MYO10: variants seen among roughly 807,000 people sequenced by gnomAD.
MYO10 encodes myosin X.
Under a neutral mutation model 257.3 loss-of-function variants are expected in MYO10, and 133 were observed. That is an observed-to-expected ratio of 0.52 (90% CI 0.45 to 0.60). MYO10 has a LOEUF of 0.60. MYO10 is among the 20% of genes least tolerant of loss of function. The probability of loss-of-function intolerance (pLI) is 0.00; values close to 1 mark genes in which losing one functional copy is unlikely to be tolerated. For missense variants in MYO10, 2,399 were observed against 2,635.7 expected (o/e 0.91, Z 1.97); for synonymous variants, 1,104 against 1,028.6 (o/e 1.07, Z -1.40).
At chr5:16,882,110 T>C (rs1744769559) in intron 1 of MYO10, among the ~76,000 whole-genome samples, 1 of 152,198 alleles carries the variant, frequency 6.6e-6, no homozygotes. Context: ...ACCAGAAATG[T>C]TTCTGCAATA....
chr5:16,877,706 C>T lies in MYO10; in HGVS notation c.23G>A (p.Gly8Glu). The change falls in exon 2 of 41, where the codon GGA becomes GAA. Residue 8 changes from glycine (G) to glutamate (E), a missense_variant and splice_region_variant. Around this residue, in one of 3 missense-constraint regions of MYO10, gnomAD observed 242 missense variants for 249.5 expected, o/e 0.97. Transcript: ENST00000513610. MDNFFTE[G>E]TRVWLRENGQ... ...ATTTTCTCTCAGCCAGACCCGTGTT[C>T]CCTGTAAACAAAACAAACAAGACTG... is the stretch of plus-strand genomic sequence containing the variant. The T allele has an allele frequency of 6.2e-7, 1 of 1,611,720 alleles. No individual in the cohort carries two copies. Among genetic ancestry groups the T allele is most frequent in the Non-Finnish European group, 8.5e-7 (1 of 1,178,684 alleles).
intron 1 of MYO10, among the ~76,000 whole-genome samples, chr5:16,929,868 G>A (rs1746248387): frequency 6.6e-6 from 1 of 152,054 alleles, no homozygotes; most frequent in Non-Finnish European, 1.5e-5. Context: ...AGGGCTGACT[G>A]TACTCAAGAA....
chr5:16,715,578 G>A, intron 19 of MYO10, among the ~76,000 whole-genome samples: 1 of 10,826 alleles, frequency 9.2e-5, no homozygotes, highest in African/African-American at 1.6e-4. Context: ...GGGATTACAG[G>A]CATGAGCCAC....
intron 19 of MYO10, among the ~76,000 whole-genome samples, chr5:16,719,835 A>G (rs1047173665): frequency 1.3e-5 from 2 of 152,070 alleles, no homozygotes; most frequent in Non-Finnish European, 2.9e-5. Context: ...GTGGTGGTAC[A>G]TGCCTATAAT....
At chr5:16,706,354 G>A (rs141936293) in intron 21 of MYO10, among the ~76,000 whole-genome samples, 462 of 152,170 alleles carry the variant, frequency 3.0e-3, no homozygotes, top group African/African-American at 0.011. Flanking sequence ...CAAGTGTAAA[G>A]TTTGTTGGAT....
At chr5:16,779,385 T>C (rs1741332028) in intron 9 of MYO10, among the ~76,000 whole-genome samples, 160 bp downstream of exon 9, 4 of 151,878 alleles carry the variant, frequency 2.6e-5, no homozygotes, top group Admixed American at 2.0e-4. Flanking sequence ...AACAAGTTCA[T>C]GACTTGGAAC....
chr5:16,805,830 G>A (rs1742259909), intron 3 of MYO10, among the ~76,000 whole-genome samples: 2 of 152,042 alleles, frequency 1.3e-5, no homozygotes, highest in Admixed American at 1.3e-4. Context: ...TAATAATTTG[G>A]AACAGCTGCA....
At chr5:16,831,025 G>A (rs1159040567) in intron 2 of MYO10, among the ~76,000 whole-genome samples, 1 of 152,064 alleles carries the variant, frequency 6.6e-6, no homozygotes, top group Non-Finnish European at 1.5e-5. Context: ...GGGATGTTAC[G>A]CTCTGGTTTT....
At position 16,681,983 on chromosome 5, in the gene MYO10, G is replaced by C. The variant is rs1436088254; in HGVS notation, c.4077C>G (p.Asn1359Lys). Residue 1359 changes from asparagine (N) to lysine (K), a missense_variant, in exon 31 of 41, where the codon AAC (asparagine) becomes AAG (lysine). Physicochemically the swap from Asn to Lys is moderately conservative, Grantham distance 94. This residue lies in a region of MYO10 where 1,820 missense variants were observed against 1,939.4 expected (regional missense o/e 0.94). Transcript: ENST00000513610. ...TGTCGGCGTTGCAGTGCAGCACCCGGTTGGCCGTGATGATCACAAACGAGT... is the reference window on the plus strand; with the variant it reads ...TGTCGGCGTTGCAGTGCAGCACCCGCTTGGCCGTGATGATCACAAACGAGT... ...RPNSFVIITA[N>K]RVLHCNADTP... is the part of the protein sequence containing the mutation. 6.2e-7 allele frequency: 1 copy of C among 1,613,758 alleles called. No individual in the cohort carries two copies. The highest frequency in any genetic ancestry group is 8.5e-7 in the Non-Finnish European group (1 of 1,179,880).
At chr5:16,739,523 A>G (rs1159698091) in intron 19 of MYO10, among the ~76,000 whole-genome samples, 1 of 152,202 alleles carries the variant, frequency 6.6e-6, no homozygotes, top group Non-Finnish European at 1.5e-5. Context: ...TCTGATTGGC[A>G]AATACACTTT....
At chr5:16,809,315 G>A (rs1029333376) in intron 3 of MYO10, among the ~76,000 whole-genome samples, 8 of 152,228 alleles carry the variant, frequency 5.3e-5, no homozygotes, top group African/African-American at 1.4e-4. Flanking sequence ...TTCAGGCCAC[G>A]CTGCCTCCGT....
At chr5:16,857,942 TA>T (rs1744005560) in intron 2 of MYO10, among the ~76,000 whole-genome samples, 3 of 152,194 alleles carry the variant, frequency 2.0e-5, no homozygotes, top group Admixed American at 2.0e-4. Context: ...CCTGAAGCAC[TA>T]AATATCATAT....
intron 19 of MYO10, among the ~76,000 whole-genome samples, chr5:16,718,311 C>CTAAGGGCTAAG (rs1192415052): frequency 3.0e-4 from 46 of 152,258 alleles, no homozygotes; most frequent in African/African-American, 9.6e-4. Flanking sequence ...CCAGTCCCAT[C>CTAAGGGCTAAG]GACCACCTAA....
intron 21 of MYO10, 25 bp downstream of exon 21, chr5:16,710,883 G>T: frequency 6.3e-7 from 1 of 1,588,244 alleles, no homozygotes; most frequent in Non-Finnish European, 8.6e-7. Context: ...GATTCGGTGG[G>T]AGTTGCTCTT....
intron 34 of MYO10, among the ~76,000 whole-genome samples, chr5:16,675,355 C>T (rs966798059): frequency 2.0e-5 from 3 of 152,164 alleles, no homozygotes; most frequent in Non-Finnish European, 4.4e-5. Flanking sequence ...TCTAATTGAA[C>T]TTCTTACCAC....
At chr5:16,796,438 A>C (rs1421411043) in intron 3 of MYO10, among the ~76,000 whole-genome samples, 7 of 85,172 alleles carry the variant, frequency 8.2e-5, no homozygotes, top group Admixed American at 4.6e-4. Flanking sequence ...AAAGAAAAGA[A>C]AGACAGAAAG....
intron 37 of MYO10, among the ~76,000 whole-genome samples, 164 bp downstream of exon 37, chr5:16,672,525 A>T (rs2126468410): frequency 6.6e-6 from 1 of 152,292 alleles, no homozygotes; most frequent in Admixed American, 6.5e-5. Context: ...AGGAATCGAG[A>T]AAAATAGCGG....
At chr5:16,805,553 T>G (rs369998266) in intron 3 of MYO10, among the ~76,000 whole-genome samples, 6 of 151,788 alleles carry the variant, frequency 4.0e-5, no homozygotes, top group African/African-American at 1.2e-4. Context: ...TCTCACTCTA[T>G]GAAAAGATAT....
intron 4 of MYO10, among the ~76,000 whole-genome samples, chr5:16,785,491 G>A (rs775529595): frequency 5.3e-5 from 8 of 152,244 alleles, no homozygotes; most frequent in Non-Finnish European, 7.3e-5. Flanking sequence ...TGGTGAGGCC[G>A]AAACAATGTT....
Sources: allele counts gnomAD v4.1 joint callset (sites outside exome capture counted in the v4.1 genomes callset), GRCh38; gene constraint gnomAD v4.1.1; regional missense constraint gnomAD v4.1.1; transcripts MANE v1.5; gene names NCBI Gene and HGNC (gene_info 2026-07-23, HGNC 2026-07-21).